The following NRCAM variants were observed in gnomAD, a reference collection of about 807,000 sequenced individuals.
NRCAM encodes NgCAM-related cell adhesion molecule.
A neutral mutation model predicts 156.5 loss-of-function variants in NRCAM; 83 were observed. The observed-to-expected ratio is 0.53, with a 90% CI of 0.44 to 0.64. The LOEUF (loss-of-function observed/expected upper bound fraction) is 0.64. Ranked by LOEUF, NRCAM falls within the 30% of genes least tolerant of loss-of-function variation. The pLI is 0.00. For missense variants in NRCAM, 1,417 were observed against 1,597.3 expected, an observed-to-expected ratio of 0.89 and a Z score of 1.92; for synonymous variants, 538 against 563.9, an observed-to-expected ratio of 0.95 and a Z score of 0.65.
chr7:108,343,042 C>A (rs1404237074), intron 2 of NRCAM, among the ~76,000 whole-genome samples: 1 of 152,158 alleles, frequency 6.6e-6, no homozygotes, highest in Admixed American at 6.5e-5. Context: ...TCAAGGGGAC[C>A]TTTTAGAGGT....
chr7:108,332,525 A>C (rs2099137323), intron 2 of NRCAM, among the ~76,000 whole-genome samples: 1 of 152,122 alleles, frequency 6.6e-6, no homozygotes. Flanking sequence ...TATAGAGTAC[A>C]TATGGGTTTT....
chr7:108,250,253 C>T (rs111369219), intron 3 of NRCAM, among the ~76,000 whole-genome samples: 3,234 of 151,818 alleles, frequency 0.021, 122 homozygotes, highest in African/African-American at 0.074. Context: ...ACTCCATCTC[C>T]ACACACACAA....
rs143522957 is a variant in NRCAM, at chr7:108,184,491, C to A, written c.2159G>T (p.Arg720Leu). ...CCCAATGCTGTTCACTGCCATCACG[C>A]GGAAGGAGTAGTTCACGTAAGGAGA... ...KLSPYVNYSF[R>L]VMAVNSIGKS... Residue 720 changes from arginine to leucine, a missense_variant, in exon 21 of 33, where the codon CGC becomes CTC. By Grantham distance (102) the Arg-to-Leu change is moderately radical. Transcript: ENST00000379028. 6.2e-7 allele frequency: 1 copy of A among 1,614,068 alleles called. No individual in the cohort carries two copies. The highest frequency in any genetic ancestry group is 8.5e-7 in the Non-Finnish European group (1 of 1,180,052).
At chr7:108,398,676 C>T (rs1348034402) in intron 2 of NRCAM, among the ~76,000 whole-genome samples, 1 of 152,198 alleles carries the variant, frequency 6.6e-6, no homozygotes. Context: ...TTAGGGGACA[C>T]CTCCTCTAGG....
chr7:108,226,359 T>C lies in NRCAM; in HGVS notation c.570A>G (p.Gln190=). Residue 190 remains glutamine (Q), a synonymous_variant, in exon 9 of 33, where the codon CAA becomes CAG. Transcript: ENST00000379028. Reference sequence around the variant, plus strand: ...TCAAACCTTGAGAAACTCTCTCACTTTGTGGAAGTCTTTGAAAGGCTGGAG... The same window carrying C: ...TCAAACCTTGAGAAACTCTCTCACTCTGTGGAAGTCTTTGAAAGGCTGGAG... ...WMDNSFQRLP[Q]SERVSQGLNG... 2 of 1,612,628 alleles carry C rather than the reference T, an allele frequency of 1.2e-6. No homozygotes were observed. The highest frequency in any genetic ancestry group is 1.7e-5 in the Admixed American group (1 of 59,896).
chr7:108,189,528 G>T (rs2069710443), intron 20 of NRCAM, 117 bp downstream of exon 20: 1 of 651,282 alleles, frequency 1.5e-6, no homozygotes, highest in South Asian at 1.8e-5. Context: ...TATTCTATCA[G>T]TAATGAAGCA....
intron 17 of NRCAM, among the ~76,000 whole-genome samples, chr7:108,193,597 A>G (rs2073407577): frequency 6.6e-6 from 1 of 151,720 alleles, no homozygotes; most frequent in African/African-American, 2.4e-5. Context: ...CAAAAGAAAA[A>G]CTCCCTATCC....
chr7:108,190,185 A>G lies in NRCAM; in HGVS notation c.1934-439T>C, dbSNP rs150269944. Among the ~76,000 whole-genome samples the G allele has an allele frequency of 3.9e-5, 6 of 152,370 alleles. No homozygotes were observed. In the East Asian group the frequency reaches 1.2e-3, roughly 29 times the overall value. ...AAAATTCAAATGTTCTTTCTAAAAAAAATGCTGAATAACAGATTTTGGGGC... is the reference window on the plus strand; with the variant it reads ...AAAATTCAAATGTTCTTTCTAAAAAGAATGCTGAATAACAGATTTTGGGGC... On this transcript the variant is annotated intron_variant, in intron 19 of 32. Coordinates refer to ENST00000379028, the MANE Select transcript of NRCAM (RefSeq NM_001037132.4).
intron 23 of NRCAM, 65 bp from the exon 24 acceptor site, chr7:108,182,002 ACT>A (rs372571298): frequency 1.1e-5 from 14 of 1,233,184 alleles, no homozygotes; most frequent in African/African-American, 7.4e-5. Flanking sequence ...CATAAATATG[ACT>A]CTCTCTAATA....
At chr7:108,282,718 G>GGAGAAAAA (rs11280560) in intron 3 of NRCAM, among the ~76,000 whole-genome samples, 134,812 of 151,746 alleles carry the variant, frequency 0.89, 60,005 homozygotes, top group African/African-American at 0.92. Context: ...GGGGGCACAG[G>GGAGAAAAA]GAGAAAAAGA....
intron 14 of NRCAM, among the ~76,000 whole-genome samples, chr7:108,196,438 G>A (rs1013095562): frequency 2.6e-5 from 4 of 152,162 alleles, no homozygotes; most frequent in East Asian, 3.8e-4. Flanking sequence ...CATGTATCTG[G>A]TAAGGGGTTA....
chr7:108,342,900 G>A (rs2099309043), intron 2 of NRCAM, among the ~76,000 whole-genome samples: 1 of 152,174 alleles, frequency 6.6e-6, no homozygotes, highest in African/African-American at 2.4e-5. Context: ...TTAAATATCA[G>A]GCTCTACTGC....
intron 3 of NRCAM, among the ~76,000 whole-genome samples, chr7:108,246,121 G>A (rs960828516): frequency 6.6e-6 from 1 of 152,166 alleles, no homozygotes; most frequent in Admixed American, 6.5e-5. Flanking sequence ...AAAGAGGAAC[G>A]AACTAGTTCT....
chr7:108,175,331 C>A lies in NRCAM; in HGVS notation c.3178G>T (p.Ala1060Ser). ...EAGILPPDVG[A>S]GKVQAVNPRI... ...AGATGAATTATTTTACCTTTGCCTG[C>A]ACCTACATCAGGTGGAAGAATACCA... The change falls in exon 28 of 33, where the codon GCA becomes TCA. Residue 1060 changes from alanine to serine, a missense_variant. Ala to Ser is a moderately conservative substitution (Grantham distance 99). This residue lies in a region of NRCAM where 1,238 missense variants were observed against 1,336.4 expected (regional missense o/e 0.93). Coordinates refer to ENST00000379028, the MANE Select transcript of NRCAM (RefSeq NM_001037132.4). 1.3e-6 allele frequency: 2 copies of A among 1,560,062 alleles called. No individual in the cohort carries two copies. Among genetic ancestry groups the A allele is most frequent in the Non-Finnish European group, 1.7e-6 (2 of 1,151,126 alleles).
intron 3 of NRCAM, among the ~76,000 whole-genome samples, chr7:108,272,092 T>C (rs1214807518): frequency 1.3e-5 from 2 of 152,208 alleles, no homozygotes; most frequent in Admixed American, 6.5e-5. Flanking sequence ...ATAATTCTGA[T>C]CTTATCAATC....
chr7:108,377,894 C>T (rs1230482055), intron 2 of NRCAM, among the ~76,000 whole-genome samples: 1 of 152,026 alleles, frequency 6.6e-6, no homozygotes. Flanking sequence ...AAACACTAAT[C>T]CCAAAAGGCT....
intron 28 of NRCAM, among the ~76,000 whole-genome samples, chr7:108,170,113 T>C (rs147992198): frequency 3.3e-5 from 5 of 152,136 alleles, no homozygotes; most frequent in Admixed American, 1.3e-4. Context: ...TTATTCACAA[T>C]AGTCAAGACA....
At chr7:108,268,258 CAGAA>C (rs2097183294) in intron 3 of NRCAM, among the ~76,000 whole-genome samples, 1 of 152,134 alleles carries the variant, frequency 6.6e-6, no homozygotes, top group African/African-American at 2.4e-5. Flanking sequence ...TAGATGCTAA[CAGAA>C]AGCTGTTGAG....
At chr7:108,196,020 G>T (rs988228529) in intron 14 of NRCAM, 148 bp from the exon 15 acceptor site, 1 of 631,340 alleles carries the variant, frequency 1.6e-6, no homozygotes, top group East Asian at 2.8e-5. Flanking sequence ...CAGGCATAAT[G>T]CTGCCAGTCA....
Sources: allele counts gnomAD v4.1 joint callset (sites outside exome capture counted in the v4.1 genomes callset), GRCh38; gene constraint gnomAD v4.1.1; regional missense constraint gnomAD v4.1.1; transcripts MANE v1.5; gene names NCBI Gene and HGNC (gene_info 2026-07-23, HGNC 2026-07-21).